The following LAMA4 variants were observed in gnomAD, a reference collection of about 807,000 sequenced individuals.
LAMA4 encodes the protein laminin subunit alpha 4.
In LAMA4, 127 loss-of-function variants were observed where a neutral mutation model predicts 207.1. That is an observed-to-expected ratio of 0.61 (90% CI 0.53 to 0.71). The LOEUF (loss-of-function observed/expected upper bound fraction) is 0.71. Among genes scored for constraint, LAMA4 ranks in the 30% least tolerant of loss-of-function variants. The pLI, the probability that LAMA4 is intolerant of heterozygous loss-of-function variation, is 0.00. For missense variants in LAMA4, 2,093 were observed against 2,246.5 expected (o/e 0.93, Z 1.38); for synonymous variants, 761 against 816.0 (o/e 0.93, Z 1.15).
At chr6:112,159,048 T>C in intron 13 of LAMA4, 168 bp from the exon 14 acceptor site, 1 of 600,458 alleles carries the variant, frequency 1.7e-6, no homozygotes, top group Non-Finnish European at 2.9e-6. Context: ...TTATCCCGCA[T>C]TGCCAGCTCT....
chr6:112,174,449 G>A (rs1480507634), intron 11 of LAMA4, among the ~76,000 whole-genome samples: 1 of 152,198 alleles, frequency 6.6e-6, no homozygotes, highest in Non-Finnish European at 1.5e-5. Context: ...ATGAAAGCAT[G>A]AGCAATAAAT....
At chr6:112,154,666 TCAATCA>T in intron 16 of LAMA4, 179 bp downstream of exon 16, 2 of 611,832 alleles carry the variant, frequency 3.3e-6, no homozygotes, top group African/African-American at 3.7e-5. Context: ...ATTTTTTTTT[TCAATCA>T]CAATTTAAAG....
intron 3 of LAMA4, among the ~76,000 whole-genome samples, chr6:112,212,887 TC>T (rs1784429244): frequency 6.6e-6 from 1 of 152,208 alleles, no homozygotes; most frequent in Non-Finnish European, 1.5e-5. Context: ...ATGGTTGATT[TC>T]TGCCTTACAC....
At chr6:112,189,851 A>C (rs1782915778) in intron 6 of LAMA4, among the ~76,000 whole-genome samples, 1 of 152,180 alleles carries the variant, frequency 6.6e-6, no homozygotes, top group African/African-American at 2.4e-5. Flanking sequence ...GATTTTCTGT[A>C]ATGCCTTTTG....
In LAMA4 at chr6:112,178,222, G is replaced by C. The variant is rs1554344478; in HGVS notation, c.1088C>G (p.Ala363Gly). The change falls in exon 10 of 39, where the codon GCC becomes GGC. Residue 363 changes from alanine (A) to glycine (G), a missense_variant. Physicochemically the swap from Ala to Gly is moderately conservative, Grantham distance 60. Coordinates refer to ENST00000230538, the MANE Select transcript of LAMA4 (RefSeq NM_001105206.3). ...CTGAACAAGTTGTCCTTTTCTGGAGGCTTGATTTTCCTACAAATAATCCGT... is the reference window on the plus strand; with the variant it reads ...CTGAACAAGTTGTCCTTTTCTGGAGCCTTGATTTTCCTACAAATAATCCGT... ...VEELVEKENQ[A>G]SRKGQLVQKE... 4 of 1,612,538 alleles carry C rather than the reference G, an allele frequency of 2.5e-6. No homozygotes were observed. The South Asian group carries it at 3.3e-5, about 13-fold the overall frequency.
intron 16 of LAMA4, among the ~76,000 whole-genome samples, chr6:112,152,259 G>A (rs551376041): frequency 1.1e-4 from 17 of 152,196 alleles, no homozygotes; most frequent in African/African-American, 3.9e-4. Context: ...AGAATTCACT[G>A]GGGCAGCCAT....
rs574605941 is a variant in LAMA4, at chr6:112,247,729, C to T, written c.195+6227G>A. Among the ~76,000 whole-genome samples the T allele has an allele frequency of 2.4e-4, 37 of 152,286 alleles. 1 individual carries two copies. In the South Asian group the frequency reaches 6.4e-3, roughly 26 times the overall value. On this transcript the variant is annotated intron_variant, in intron 2 of 38. Transcript: ENST00000230538. ...TGTACCATATGATCCAGCAATTCCA[C>T]TTCTAGGTATACACTCCCAAAAAAC... is the stretch of plus-strand genomic sequence containing the variant.
chr6:112,252,501 C>G (rs1197630656), intron 2 of LAMA4, among the ~76,000 whole-genome samples: 7 of 151,902 alleles, frequency 4.6e-5, no homozygotes, highest in Admixed American at 6.6e-5. Context: ...TACAGGATGC[C>G]CGGATAAATT....
At position 112,154,958 on chromosome 6, in the gene LAMA4, A is replaced by C. The variant is rs1554336554; in HGVS notation, c.1960-11T>G. 6.4e-7 allele frequency: 1 copy of C among 1,574,152 alleles called. No individual in the cohort carries two copies. Among genetic ancestry groups the C allele is most frequent in the East Asian group, 2.2e-5 (1 of 44,666 alleles). On this transcript the variant is annotated splice_polypyrimidine_tract_variant and intron_variant, in intron 15 of 38. Transcript: ENST00000230538. Reference sequence around the variant, plus strand: ...AATCCCACTCACCGCCTACAAAGGAATTGAGAGAAGAGGGTAAAAATGACA... The same window carrying C: ...AATCCCACTCACCGCCTACAAAGGACTTGAGAGAAGAGGGTAAAAATGACA...
intron 18 of LAMA4, among the ~76,000 whole-genome samples, chr6:112,145,334 G>T (rs549117008): frequency 5.3e-5 from 8 of 152,380 alleles, no homozygotes; most frequent in African/African-American, 1.9e-4. Context: ...CAGAGGGAGA[G>T]CCAGGGCTCA....
At chr6:112,201,944 C>T (rs1554352614) in intron 4 of LAMA4, among the ~76,000 whole-genome samples, 3 of 152,106 alleles carry the variant, frequency 2.0e-5, no homozygotes, top group African/African-American at 7.2e-5. Context: ...AAACATGTAT[C>T]CCAAAGCTGG....
At position 112,165,269 on chromosome 6, in the gene LAMA4, T is replaced by C. The variant is rs557735032; in HGVS notation, c.1559A>G (p.Gln520Arg). 3.7e-6 allele frequency: 6 copies of C among 1,606,636 alleles called. No homozygotes were observed. Among genetic ancestry groups the C allele is most frequent in the South Asian group, 2.2e-5 (2 of 90,926 alleles). The change falls in exon 13 of 39, where the codon CAG becomes CGG. Residue 520 changes from glutamine (Q) to arginine (R), a missense_variant. Coordinates refer to ENST00000230538, the MANE Select transcript of LAMA4 (RefSeq NM_001105206.3). ...TTCCATTTGTTCCCTCACTCTTTCC[T>C]GTTGTTTCTGCGGGAAGGAAGAGTA... Reference protein sequence around the residue: ...AARQRDHEKQQERVREQMEVV... With the variant: ...AARQRDHEKQRERVREQMEVV...
chr6:112,248,435 G>A (rs1787166695), intron 2 of LAMA4, among the ~76,000 whole-genome samples: 1 of 147,814 alleles, frequency 6.8e-6, no homozygotes, highest in Non-Finnish European at 1.5e-5. Context: ...GGAGGCAGAG[G>A]TTGCAGCGAG....
chr6:112,229,030 G>C (rs1785394751), intron 2 of LAMA4, among the ~76,000 whole-genome samples: 1 of 152,184 alleles, frequency 6.6e-6, no homozygotes, highest in African/African-American at 2.4e-5. Flanking sequence ...CAAGGTCAAG[G>C]ACTCTTTCAA....
intron 31 of LAMA4, among the ~76,000 whole-genome samples, chr6:112,125,066 T>C (rs1308970688): frequency 2.0e-5 from 3 of 152,184 alleles, no homozygotes; most frequent in African/African-American, 4.8e-5. Context: ...TCTTAAACAA[T>C]CTAAGATAGG....
At chr6:112,130,217 A>T (rs1554329247) in intron 29 of LAMA4, 177 bp from the exon 30 acceptor site, 1 of 612,048 alleles carries the variant, frequency 1.6e-6, no homozygotes, top group Non-Finnish European at 2.9e-6. Context: ...ATATTTCTAT[A>T]TGCAAAAAAG....
intron 9 of LAMA4, 74 bp downstream of exon 9, chr6:112,185,163 T>C (rs1782608452): frequency 1.0e-6 from 1 of 994,734 alleles, no homozygotes; most frequent in Admixed American, 1.7e-5. Context: ...CAGTCGTTTG[T>C]GACCAGCCAG....
intron 38 of LAMA4, among the ~76,000 whole-genome samples, chr6:112,111,896 C>CAGTT (rs1345109177): frequency 6.6e-6 from 1 of 152,114 alleles, no homozygotes; most frequent in Non-Finnish European, 1.5e-5. Flanking sequence ...TGAAAGCAAA[C>CAGTT]AAACAAACAA....
At chr6:112,162,803 T>C (rs1554338747) in intron 13 of LAMA4, among the ~76,000 whole-genome samples, 1 of 152,018 alleles carries the variant, frequency 6.6e-6, no homozygotes, top group Non-Finnish European at 1.5e-5. Context: ...GGAGGTATAA[T>C]TGTGTATTCA....
Sources: allele counts gnomAD v4.1 joint callset (sites outside exome capture counted in the v4.1 genomes callset), GRCh38; gene constraint gnomAD v4.1.1; transcripts MANE v1.5; gene names NCBI Gene and HGNC (gene_info 2026-07-23, HGNC 2026-07-21).